CWC27: variants seen among roughly 807,000 people sequenced by gnomAD.
CWC27 encodes the protein spliceosome-associated protein CWC27 homolog.
Under a neutral mutation model 63.6 loss-of-function variants are expected in CWC27, and 47 were observed. The ratio of observed to expected loss-of-function variants is 0.74; its 90% confidence interval spans 0.58 to 0.94. CWC27 has a LOEUF of 0.94. Among genes scored for constraint, CWC27 ranks in the 40% least tolerant of loss-of-function variants. The pLI is 0.00. For missense variants in CWC27, 495 were observed against 554.3 expected, an observed-to-expected ratio of 0.89 and a Z score of 1.07; for synonymous variants, 175 against 179.8, an observed-to-expected ratio of 0.97 and a Z score of 0.22.
chr5:64,954,414 A>G (rs1748766042), intron 11 of CWC27, among the ~76,000 whole-genome samples: 1 of 151,802 alleles, frequency 6.6e-6, no homozygotes, highest in Admixed American at 6.6e-5. Context: ...TCATCCTCCC[A>G]AGTAGCTAGG....
chr5:65,012,964 T>C (rs1399414698), intron 13 of CWC27, among the ~76,000 whole-genome samples: 2 of 152,228 alleles, frequency 1.3e-5, no homozygotes, highest in Non-Finnish European at 2.9e-5. Context: ...AGCCTGGCAC[T>C]GATAGTTTTT....
At chr5:64,992,601 G>C (rs945535697) in intron 13 of CWC27, among the ~76,000 whole-genome samples, 3 of 151,062 alleles carry the variant, frequency 2.0e-5, no homozygotes, top group Non-Finnish European at 4.4e-5. Context: ...GCGCTATCTC[G>C]GTTCACTGCA....
chr5:64,885,701 GTGTGTGT>G (rs1747056948), intron 11 of CWC27, among the ~76,000 whole-genome samples, 155 bp downstream of exon 11: 3 of 141,388 alleles, frequency 2.1e-5, no homozygotes, highest in Admixed American at 6.9e-5. Context: ...GAGTTAGGGT[GTGTGTGT>G]GTGTGTGTGT....
chr5:64,844,921 AG>A, intron 10 of CWC27: 1 of 456,722 alleles, frequency 2.2e-6, no homozygotes. Flanking sequence ...CTCCTCTCCC[AG>A]GAAATTACTC....
intron 10 of CWC27, among the ~76,000 whole-genome samples, chr5:64,841,720 G>C (rs1311414322): frequency 2.0e-5 from 3 of 152,150 alleles, no homozygotes; most frequent in Non-Finnish European, 4.4e-5. Context: ...TTGTTGCCCA[G>C]GCTAGAGTGC....
chr5:64,815,767 C>G (rs1475132871), intron 10 of CWC27, among the ~76,000 whole-genome samples: 1 of 152,138 alleles, frequency 6.6e-6, no homozygotes, highest in East Asian at 1.9e-4. Flanking sequence ...TTTATCTTAT[C>G]AGTCTTTACA....
intron 10 of CWC27, among the ~76,000 whole-genome samples, chr5:64,805,971 A>G (rs1371838481): frequency 6.6e-6 from 1 of 152,130 alleles, no homozygotes; most frequent in Non-Finnish European, 1.5e-5. Context: ...TATCATGAGA[A>G]TACTGGAGAG....
At chr5:64,812,033 C>T (rs559424973) in intron 10 of CWC27, among the ~76,000 whole-genome samples, 4 of 152,016 alleles carry the variant, frequency 2.6e-5, no homozygotes, top group African/African-American at 4.8e-5. Context: ...AGCTTCTTCT[C>T]GTACTTAGAT....
At chr5:64,828,032 T>G (rs1189681807) in intron 10 of CWC27, among the ~76,000 whole-genome samples, 1 of 152,142 alleles carries the variant, frequency 6.6e-6, no homozygotes, top group Non-Finnish European at 1.5e-5. Context: ...GGTTTTATAC[T>G]ATGCGTGCTT....
At chr5:64,804,588 A>G (rs1240706664) in intron 10 of CWC27, 2 of 472,212 alleles carry the variant, frequency 4.2e-6, no homozygotes, top group Non-Finnish European at 3.7e-6. Context: ...TGATCCTATG[A>G]GTTCAATTCC....
intron 3 of CWC27, among the ~76,000 whole-genome samples, chr5:64,782,708 G>A (rs1020545635): frequency 2.0e-5 from 3 of 151,958 alleles, no homozygotes; most frequent in African/African-American, 4.8e-5. Flanking sequence ...TGAAAAATTC[G>A]TTTTTATATT....
intron 11 of CWC27, among the ~76,000 whole-genome samples, chr5:64,962,074 G>A (rs375512225): frequency 5.3e-5 from 8 of 152,268 alleles, no homozygotes; most frequent in East Asian, 1.9e-4. Context: ...TATTTTAAAT[G>A]TCTTGTGTAT....
chr5:64,843,194 A>C (rs574676602), intron 10 of CWC27, among the ~76,000 whole-genome samples: 5 of 152,270 alleles, frequency 3.3e-5, no homozygotes, highest in Non-Finnish European at 5.9e-5. Context: ...CATTAGCTTT[A>C]TTTGTTCAGC....
chr5:64,797,788 T>G (rs1237023704), intron 7 of CWC27, among the ~76,000 whole-genome samples: 2 of 152,296 alleles, frequency 1.3e-5, no homozygotes, highest in Non-Finnish European at 2.9e-5. Context: ...ATTTTAAAAA[T>G]ATATTAACAA....
At chr5:64,807,596 C>T (rs1736029130) in intron 10 of CWC27, 1 of 1,524,624 alleles carries the variant, frequency 6.6e-7, no homozygotes, top group African/African-American at 1.4e-5. Context: ...ACTTTCTTTC[C>T]AGCCCACCTT....
intron 4 of CWC27, 134 bp from the exon 5 acceptor site, chr5:64,785,347 A>G: frequency 2.3e-6 from 1 of 427,660 alleles, no homozygotes; most frequent in Non-Finnish European, 4.2e-6. Context: ...TATTTGCATT[A>G]TTAAATGCAT....
At chr5:64,944,052 C>T (rs558059635) in intron 11 of CWC27, among the ~76,000 whole-genome samples, 30 of 152,216 alleles carry the variant, frequency 2.0e-4, no homozygotes, top group East Asian at 3.9e-4. Context: ...TCCTGCCGCA[C>T]GCCCCCATCA....
chr5:64,876,179 A>T (rs1746789458), intron 10 of CWC27, among the ~76,000 whole-genome samples: 1 of 152,108 alleles, frequency 6.6e-6, no homozygotes, highest in African/African-American at 2.4e-5. Context: ...CACTTTTTGA[A>T]ATATGGTGAA....
At chr5:64,850,324 A>C (rs1438439510) in intron 10 of CWC27, among the ~76,000 whole-genome samples, 1 of 152,094 alleles carries the variant, frequency 6.6e-6, no homozygotes, top group Non-Finnish European at 1.5e-5. Flanking sequence ...AGGGCCAAAA[A>C]CCTGCATTGG....
Sources: allele counts gnomAD v4.1 joint callset (sites outside exome capture counted in the v4.1 genomes callset), GRCh38; gene constraint gnomAD v4.1.1; transcripts MANE v1.5; gene names NCBI Gene and HGNC (gene_info 2026-07-23, HGNC 2026-07-21).